The following NLRP5 variants were observed in gnomAD, a reference collection of about 807,000 sequenced individuals.
The protein encoded by NLRP5 is NACHT, LRR and PYD domains-containing protein 5.
A neutral mutation model predicts 113.1 loss-of-function variants in NLRP5; 93 were observed. That is an observed-to-expected ratio of 0.82 (90% CI 0.70 to 0.98). NLRP5 has a LOEUF of 0.98. NLRP5 is among the 50% of genes least tolerant of loss of function. NLRP5 has a pLI of 0.00. For synonymous variants in NLRP5, 751 were observed against 600.7 expected (o/e 1.25, Z -3.66); for missense variants, 1,808 against 1,514.3 (o/e 1.19, Z -3.22).
chr19:56,047,301 T>C (rs1983764389), intron 11 of NLRP5, among the ~76,000 whole-genome samples: 1 of 152,210 alleles, frequency 6.6e-6, no homozygotes, highest in South Asian at 2.1e-4. Context: ...TTGCTCTTGT[T>C]TCTCTACTTC....
chr19:56,054,262 A>G (rs1364410930), intron 13 of NLRP5, among the ~76,000 whole-genome samples: 1 of 152,056 alleles, frequency 6.6e-6, no homozygotes, highest in Non-Finnish European at 1.5e-5. Flanking sequence ...CAGCCATGAA[A>G]AGAAAAGTGC....
intron 7 of NLRP5, among the ~76,000 whole-genome samples, chr19:56,032,371 A>G (rs1983152498): frequency 6.7e-6 from 1 of 148,988 alleles, no homozygotes; most frequent in South Asian, 2.1e-4. Flanking sequence ...GATCTGATTC[A>G]GGAGCTGGCG....
chr19:56,005,392 T>C (rs908483591), intron 2 of NLRP5, among the ~76,000 whole-genome samples: 2 of 148,276 alleles, frequency 1.3e-5, no homozygotes, highest in African/African-American at 5.0e-5. Flanking sequence ...TATATACATA[T>C]ACACACACAT....
At chr19:56,049,965 G>C (rs1983868941) in intron 11 of NLRP5, among the ~76,000 whole-genome samples, 1 of 151,978 alleles carries the variant, frequency 6.6e-6, no homozygotes, top group East Asian at 1.9e-4. Flanking sequence ...TTCTCATTTG[G>C]GTAGGTTCTG....
chr19:55,991,824 T>C, the NLRP5 span, among the ~76,000 whole-genome samples: 6 of 152,174 alleles, frequency 3.9e-5, no homozygotes, highest in Non-Finnish European at 7.3e-5. Flanking sequence ...ATATAAAGAA[T>C]AGGGAGAGAG....
intron 8 of NLRP5, 46 bp from the exon 9 acceptor site, chr19:56,033,496 A>G (rs756318757): frequency 1.4e-5 from 20 of 1,465,464 alleles, no homozygotes; most frequent in Middle Eastern, 1.8e-4. Flanking sequence ...TGAGGATACA[A>G]CTAAACATCA....
At chr19:55,988,096 T>G in the NLRP5 span, 21 of 549,512 alleles carry the variant, frequency 3.8e-5, no homozygotes, top group Admixed American at 4.0e-4. Context: ...CTGTGTGTAT[T>G]AATATGCTAT....
chr19:56,005,107 A>AAAAATATAT (rs1173746273), intron 2 of NLRP5, among the ~76,000 whole-genome samples: 3 of 95,344 alleles, frequency 3.1e-5, no homozygotes, highest in African/African-American at 1.2e-4. Flanking sequence ...AAAAAAAAAA[A>AAAAATATAT]ATATATATAT....
At chr19:56,005,355 A>ATAT (rs1555763856) in intron 2 of NLRP5, among the ~76,000 whole-genome samples, 3,952 of 135,252 alleles carry the variant, frequency 0.029, 77 homozygotes, top group Middle Eastern at 0.04. Flanking sequence ...ATACACATAT[A>ATAT]TTTTTATATA....
chr19:56,024,422 T>G (rs1334799445), intron 6 of NLRP5, among the ~76,000 whole-genome samples: 5 of 58,184 alleles, frequency 8.6e-5, no homozygotes, highest in African/African-American at 1.6e-4. Context: ...GTATATATGT[T>G]ATATATACAC....
upstream of NLRP5, among the ~76,000 whole-genome samples, chr19:55,998,718 A>ATATATGTGTG (rs1981466914): frequency 7.2e-6 from 1 of 139,700 alleles, no homozygotes; most frequent in African/African-American, 2.8e-5. Flanking sequence ...GTGTGTGTAT[A>ATATATGTGTG]TATATATATA....
intron 13 of NLRP5, among the ~76,000 whole-genome samples, chr19:56,057,114 C>A (rs554289741): frequency 6.6e-6 from 1 of 152,110 alleles, no homozygotes; most frequent in Non-Finnish European, 1.5e-5. Context: ...CCAGCCTCAG[C>A]GATAGAGCAA....
intron 3 of NLRP5, among the ~76,000 whole-genome samples, chr19:56,013,187 G>GTTTTTGT (rs1216044681): frequency 6.6e-6 from 1 of 152,028 alleles, no homozygotes; most frequent in East Asian, 1.9e-4. Context: ...TTAACATAAT[G>GTTTTTGT]TTTTTGTTTT....
chr19:56,004,108 T>TG lies in NLRP5; in HGVS notation c.442+16dup. The stretch of plus-strand genomic sequence containing the variant: ...GATGACATGAAAAGTAAGCGAGACT[T>TG]GGGACAAGTCTAGGGCAGGGAGGGG... On this transcript the variant is annotated intron_variant, in intron 2 of 14. Transcript: ENST00000390649. 1 of 1,592,350 alleles carries TG rather than the reference T, an allele frequency of 6.3e-7. No individual in the cohort carries two copies. Among genetic ancestry groups the TG allele is most frequent in the South Asian group, 1.1e-5 (1 of 87,804 alleles).
Position 56,040,957 on chromosome 19 carries a change from A to G in NLRP5, c.2822A>G (p.Gln941Arg). ...TGTGGCATCACAGCCACGGGTTGCCAGAGTCTGGCCTCAGCCCTCGTCAGC... is the reference window on the plus strand; with the variant it reads ...TGTGGCATCACAGCCACGGGTTGCCGGAGTCTGGCCTCAGCCCTCGTCAGC... Residue 941 changes from glutamine (Q) to arginine (R), a missense_variant, in exon 11 of 15, where the codon CAG becomes CGG. Transcript: ENST00000390649. 1.2e-6 allele frequency: 2 copies of G among 1,613,938 alleles called. No homozygotes were observed. The highest frequency in any genetic ancestry group is 1.7e-6 in the Non-Finnish European group (2 of 1,179,848).
chr19:56,011,830 TAC>T (rs1982204506), intron 3 of NLRP5, among the ~76,000 whole-genome samples: 2 of 151,836 alleles, frequency 1.3e-5, no homozygotes, highest in Admixed American at 1.3e-4. Flanking sequence ...TAGCTGGGAT[TAC>T]ACACGCGCGC....
At chr19:56,056,738 ATAT>A (rs1218030637) in intron 13 of NLRP5, among the ~76,000 whole-genome samples, 4 of 152,198 alleles carry the variant, frequency 2.6e-5, no homozygotes, top group Admixed American at 2.6e-4. Context: ...AAATGCTTAG[ATAT>A]TATTTTAGAA....
At chr19:56,002,581 C>T (rs1325621411) in intron 1 of NLRP5, among the ~76,000 whole-genome samples, 1 of 151,006 alleles carries the variant, frequency 6.6e-6, no homozygotes, top group East Asian at 1.9e-4. Context: ...CATCATTTAG[C>T]ATTAGGTATA....
the NLRP5 span, among the ~76,000 whole-genome samples, chr19:55,987,335 A>C: frequency 6.6e-6 from 1 of 152,206 alleles, no homozygotes; most frequent in South Asian, 2.1e-4. Flanking sequence ...ACGCCACTGC[A>C]CTCCAGCGTG....
Sources: gnomAD v4.1 joint callset for allele counts (sites outside exome capture counted in the v4.1 genomes callset) on GRCh38, gnomAD v4.1.1 for gene constraint, MANE v1.5 for transcripts, NCBI Gene and HGNC (gene_info 2026-07-23, HGNC 2026-07-21) for gene names.